Variants in ARHGEF4 observed in about 807,000 individuals in gnomAD.
ARHGEF4 encodes the protein APC-stimulated guanine nucleotide exchange factor 1.
ARHGEF4 carries 119 observed loss-of-function variants against 162.0 expected under a neutral mutation model. That is an observed-to-expected ratio of 0.73 (90% CI 0.63 to 0.86). The LOEUF is 0.86. Among genes scored for constraint, ARHGEF4 ranks in the 40% least tolerant of loss-of-function variants. The pLI is 0.00. For synonymous variants in ARHGEF4, 1,014 were observed against 979.9 expected (o/e 1.03, Z -0.65); for missense variants, 2,488 against 2,456.0 (o/e 1.01, Z -0.28).
chr2:130,950,731 C>G (rs1410259021), intron 4 of ARHGEF4, among the ~76,000 whole-genome samples: 1 of 148,588 alleles, frequency 6.7e-6, no homozygotes, highest in African/African-American at 2.5e-5. Context: ...CTTCCTGTCT[C>G]TGTAAATTCC....
chr2:130,884,829 A>G (rs940023359), intron 1 of ARHGEF4, among the ~76,000 whole-genome samples: 1 of 152,080 alleles, frequency 6.6e-6, no homozygotes, highest in African/African-American at 2.4e-5. Flanking sequence ...TCCTGGAATC[A>G]TACGCCATAG....
chr2:130,917,998 T>C (rs1388591648), intron 2 of ARHGEF4, among the ~76,000 whole-genome samples: 1 of 152,020 alleles, frequency 6.6e-6, no homozygotes, highest in Non-Finnish European at 1.5e-5. Flanking sequence ...ATTTTTGTTA[T>C]TTTAGTAGAG....
intron 1 of ARHGEF4, among the ~76,000 whole-genome samples, chr2:130,848,018 G>A (rs544797589): frequency 2.6e-3 from 396 of 152,352 alleles, no homozygotes; most frequent in African/African-American, 8.8e-3. Context: ...AGGGAGCCAC[G>A]TGGTTGCAGG....
rs111869674 is a variant in ARHGEF4, at chr2:130,907,300, C to T, written c.40-6686C>T. Among the ~76,000 whole-genome samples, 375 of 149,962 alleles carry T rather than the reference C, an allele frequency of 2.5e-3. 2 individuals are homozygous for T. Among genetic ancestry groups the T allele is most frequent in the Non-Finnish European group, 4.3e-3 (291 of 67,644 alleles). ...CACGATCTGGGCTCACTGCAAGCTC[C>T]GCCTCCTGGGTTCACGCCATTCTCC... On this transcript the variant is annotated intron_variant, in intron 1 of 13. Transcript: ENST00000409359.
intron 1 of ARHGEF4, among the ~76,000 whole-genome samples, chr2:130,850,259 G>A (rs569124913): frequency 7.9e-5 from 12 of 152,352 alleles, no homozygotes; most frequent in African/African-American, 2.6e-4. Context: ...GTCTGTACCT[G>A]AGGAAGGAGG....
Position 130,915,273 on chromosome 2 carries a change from A to C in ARHGEF4, c.1327A>C (p.Thr443Pro), listed in dbSNP as rs202037892. 1.0e-4 allele frequency: 162 copies of C among 1,550,498 alleles called. No homozygotes were observed. The highest frequency in any genetic ancestry group is 5.0e-4 in the Middle Eastern group (3 of 6,014). ...SRSCLVASCL[T>P]SELVKLSAEE... is the part of the protein sequence containing the mutation. ...GTCATGTCTGGTGGCTTCATGCCTC[A>C]CCTCAGAGTTAGTGAAGCTCAGTGC... Residue 443 changes from threonine (T) to proline (P), a missense_variant, in exon 2 of 14, where the codon ACC becomes CCC. Thr to Pro is a conservative substitution (Grantham distance 38). Transcript: ENST00000409359.
At chr2:131,007,970 G>A (rs1478663357) in intron 4 of ARHGEF4, among the ~76,000 whole-genome samples, 4 of 150,824 alleles carry the variant, frequency 2.7e-5, no homozygotes, top group African/African-American at 4.9e-5. Context: ...CCACCACCCC[G>A]CCCAGCTAAT....
intron 1 of ARHGEF4, among the ~76,000 whole-genome samples, chr2:130,883,870 A>G (rs1230170422): frequency 6.6e-6 from 1 of 152,166 alleles, no homozygotes; most frequent in Non-Finnish European, 1.5e-5. Flanking sequence ...TGAATTCCTC[A>G]GCCTCCTGAG....
intron 4 of ARHGEF4, among the ~76,000 whole-genome samples, chr2:131,012,869 C>T (rs557443702): frequency 6.6e-6 from 1 of 152,204 alleles, no homozygotes; most frequent in African/African-American, 2.4e-5. Context: ...GCGTGAGCCA[C>T]CGCGCCTGGC....
rs1681396852 is a variant in ARHGEF4, at chr2:130,915,023, T to C, written c.1077T>C (p.Ser359=). Residue 359 remains serine, a synonymous_variant, in exon 2 of 14, where the codon TCT becomes TCC. Coordinates refer to ENST00000409359, the MANE Select transcript of ARHGEF4 (RefSeq NM_001367493.1). ...CCGTGGGACAGAATGTTGTGAAGTC[T>C]GGGACCCATGTGAAGGAAGGGGCCA... The part of the protein sequence containing the change: ...EDPVGQNVVK[S]GTHVKEGAKN... 1 of 1,550,548 alleles carries C rather than the reference T, an allele frequency of 6.4e-7. No homozygotes were observed. The highest frequency in any genetic ancestry group is 1.4e-5 in the African/African-American group (1 of 73,036).
At position 130,917,014 on chromosome 2, in the gene ARHGEF4, G is replaced by A. The variant is rs926211881; in HGVS notation, c.3068G>A (p.Arg1023Lys). 14 of 1,550,940 alleles carry A rather than the reference G, an allele frequency of 9.0e-6. No individual in the cohort carries two copies. The Admixed American group carries it at 2.5e-4, about 28-fold the overall frequency. The change falls in exon 2 of 14, where the codon AGG becomes AAG. Residue 1023 changes from arginine (R) to lysine (K), a missense_variant. By Grantham distance (26) the Arg-to-Lys change is conservative. Around this residue, in one of 6 missense-constraint regions of ARHGEF4, gnomAD observed 1,642 missense variants for 1,481.5 expected, o/e 1.11. Coordinates refer to ENST00000409359, the MANE Select transcript of ARHGEF4 (RefSeq NM_001367493.1). ...TCCAGTTTAGTTTCTCCAGAACACA[G>A]GAGGAAAAGTGAACCGACCATCAAG... is the stretch of plus-strand genomic sequence containing the variant. Reference protein sequence around the residue: ...LSSSLVSPEHRRKSEPTIKCT... With the variant: ...LSSSLVSPEHKRKSEPTIKCT...
chr2:131,018,638 G>C (rs1327471960), intron 4 of ARHGEF4, among the ~76,000 whole-genome samples: 1 of 152,086 alleles, frequency 6.6e-6, no homozygotes, highest in Non-Finnish European at 1.5e-5. Context: ...CCTGTTGCCT[G>C]TGCTTTTGGT....
At chr2:130,855,338 C>T (rs1341443311) in intron 1 of ARHGEF4, among the ~76,000 whole-genome samples, 2 of 152,080 alleles carry the variant, frequency 1.3e-5, no homozygotes, top group African/African-American at 4.8e-5. Flanking sequence ...CACTGGGACT[C>T]ACAGGACCAT....
intron 1 of ARHGEF4, among the ~76,000 whole-genome samples, chr2:130,856,026 A>G (rs1681757493): frequency 6.6e-6 from 1 of 152,222 alleles, no homozygotes. Context: ...AGCCATAGAA[A>G]TATCTTTTTG....
chr2:130,987,771 G>A (rs1270350128), intron 4 of ARHGEF4, among the ~76,000 whole-genome samples: 12 of 152,184 alleles, frequency 7.9e-5, no homozygotes, highest in Non-Finnish European at 1.6e-4. Flanking sequence ...AGGCCAGGGT[G>A]GCTGTGGGAT....
chr2:130,918,497 C>T (rs1019482659), intron 2 of ARHGEF4, among the ~76,000 whole-genome samples: 2 of 152,346 alleles, frequency 1.3e-5, no homozygotes, highest in Admixed American at 6.5e-5. Flanking sequence ...GAGTCTTCCG[C>T]GCGCCCAGAG....
At position 130,916,804 on chromosome 2, in the gene ARHGEF4, G is replaced by T; in HGVS notation, c.2858G>T (p.Arg953Leu). 6.5e-7 allele frequency: 1 copy of T among 1,550,334 alleles called. No individual in the cohort carries two copies. The highest frequency in any genetic ancestry group is 1.4e-5 in the African/African-American group (1 of 73,100). Residue 953 changes from arginine to leucine, a missense_variant, in exon 2 of 14, where the codon CGG becomes CTG. Coordinates refer to ENST00000409359, the MANE Select transcript of ARHGEF4 (RefSeq NM_001367493.1). Reference protein sequence around the residue: ...EKSRLRQGSWRAFLKSKDAGS... With the variant: ...EKSRLRQGSWLAFLKSKDAGS... ...AGCAGGCTGCGCCAGGGTTCCTGGCGGGCGTTTCTGAAAAGCAAAGATGCC... is the reference window on the plus strand; with the variant it reads ...AGCAGGCTGCGCCAGGGTTCCTGGCTGGCGTTTCTGAAAAGCAAAGATGCC...
chr2:130,976,241 C>CAGATATGTTG (rs1278728377), intron 4 of ARHGEF4, among the ~76,000 whole-genome samples: 1 of 152,068 alleles, frequency 6.6e-6, no homozygotes, highest in Non-Finnish European at 1.5e-5. Context: ...ATCCATGAGT[C>CAGATATGTTG]AGATATGTTG....
rs529548628 is a variant in ARHGEF4, at chr2:130,850,211, C to T, written c.39+13219C>T. Reference sequence around the variant, plus strand: ...CAGTGCCCCAGGGAGGGGGCAGCCTCTCTAGGGGCCTCTTGGGAAGTGTGT... The same window carrying T: ...CAGTGCCCCAGGGAGGGGGCAGCCTTTCTAGGGGCCTCTTGGGAAGTGTGT... On this transcript the variant is annotated intron_variant, in intron 1 of 13. Coordinates refer to ENST00000409359, the MANE Select transcript of ARHGEF4 (RefSeq NM_001367493.1). 2.6e-5 allele frequency among the ~76,000 whole-genome samples: 4 copies of T among 152,312 alleles called. No individual in the cohort carries two copies. In the East Asian group the frequency reaches 5.8e-4, roughly 22 times the overall value.
Sources: allele counts gnomAD v4.1 joint callset (sites outside exome capture counted in the v4.1 genomes callset), GRCh38; gene constraint gnomAD v4.1.1; regional missense constraint gnomAD v4.1.1; transcripts MANE v1.5; gene names NCBI Gene and HGNC (gene_info 2026-07-23, HGNC 2026-07-21).